APOL1: variants seen among roughly 807,000 people sequenced by gnomAD.
APOL1 encodes apolipoprotein L 1.
Under a neutral mutation model 14.9 loss-of-function variants are expected in APOL1, and 17 were observed. That is an observed-to-expected ratio of 1.14 (90% CI 0.78 to 1.71). The LOEUF (loss-of-function observed/expected upper bound fraction) is 1.71. Among genes scored for constraint, APOL1 ranks in the 40% most tolerant of loss-of-function variants. The pLI, the probability that APOL1 is intolerant of heterozygous loss-of-function variation, is 0.00. For synonymous variants in APOL1, 195 were observed against 184.8 expected, an observed-to-expected ratio of 1.05 and a Z score of -0.45; for missense variants, 523 against 485.9, an observed-to-expected ratio of 1.08 and a Z score of -0.72.
intron 2 of APOL1, among the ~76,000 whole-genome samples, chr22:36,256,690 C>T (rs563879273): frequency 2.6e-5 from 4 of 152,276 alleles, no homozygotes; most frequent in Non-Finnish European, 4.4e-5. Context: ...TTACCATGAG[C>T]GTGTATACAT....
At position 36,266,166 on chromosome 22, in the gene APOL1, C is replaced by T; in HGVS notation, c.*133C>T. ...AGTGCAATGGTGCGATCTCAGCTCA[C>T]TGCAAGCTCTGCCTCCCGTGTTCAA... On this transcript the variant is annotated 3_prime_UTR_variant, in exon 6 of 6. Coordinates refer to ENST00000397278, the MANE Select transcript of APOL1 (RefSeq NM_003661.4). The T allele has an allele frequency of 1.0e-6, 1 of 986,088 alleles. No homozygotes were observed. The highest frequency in any genetic ancestry group is 2.7e-5 in the East Asian group (1 of 37,174). The allele number at this position is 986,088 out of a possible 1,614,324, so 61.1% of individuals were successfully genotyped here.
At position 36,265,034 on chromosome 22, in the gene APOL1, A is replaced by G. The variant is rs949200325; in HGVS notation, c.315-117A>G. 1.1e-5 allele frequency: 15 copies of G among 1,311,690 alleles called. No homozygotes were observed. The East Asian group carries it at 1.4e-4, about 12-fold the overall frequency. 81.3% of individuals were successfully genotyped at this position (1,311,690 alleles called of 1,614,324 possible). A position where few individuals can be genotyped will look rare whatever the true frequency, so the allele number is the denominator to read the frequency against. ...CACCGTATTAGTCAGGATGGTCTCA[A>G]TCTCCTGACCTTGTGATCCACCCGC... On this transcript the variant is annotated intron_variant, in intron 5 of 5. Coordinates refer to ENST00000397278, the MANE Select transcript of APOL1 (RefSeq NM_003661.4).
At chr22:36,258,212 G>A (rs772910265) in intron 4 of APOL1, among the ~76,000 whole-genome samples, 7 of 152,110 alleles carry the variant, frequency 4.6e-5, no homozygotes, top group Non-Finnish European at 8.8e-5. Context: ...TGCTTACCAG[G>A]GATGACTGCC....
At chr22:36,259,294 C>A (rs2015998052) in intron 4 of APOL1, among the ~76,000 whole-genome samples, 2 of 152,190 alleles carry the variant, frequency 1.3e-5, no homozygotes, top group Admixed American at 1.3e-4. Context: ...TCAAGAAATA[C>A]ACAGATTTAG....
intron 4 of APOL1, among the ~76,000 whole-genome samples, chr22:36,258,920 C>T (rs988133738): frequency 1.3e-5 from 2 of 152,170 alleles, no homozygotes; most frequent in African/African-American, 4.8e-5. Context: ...TCTCACTGGT[C>T]TTAGCTGAAT....
intron 1 of APOL1, among the ~76,000 whole-genome samples, chr22:36,254,597 C>T (rs1360635285): frequency 6.6e-6 from 1 of 152,136 alleles, no homozygotes; most frequent in Non-Finnish European, 1.5e-5. Flanking sequence ...GGCGCGGTGG[C>T]TCACGCCTGT....
At chr22:36,258,780 A>G (rs2015976841) in intron 4 of APOL1, among the ~76,000 whole-genome samples, 1 of 152,156 alleles carries the variant, frequency 6.6e-6, no homozygotes, top group South Asian at 2.1e-4. Flanking sequence ...TGGGAGGGCA[A>G]TGCAGTTTTG....
intron 4 of APOL1, among the ~76,000 whole-genome samples, chr22:36,258,809 A>G (rs917564445): frequency 2.0e-5 from 3 of 152,168 alleles, no homozygotes; most frequent in African/African-American, 4.8e-5. Flanking sequence ...ATGGGCATAC[A>G]TGGAACGGCT....
At chr22:36,255,627 GC>G (rs2015848348) in intron 2 of APOL1, among the ~76,000 whole-genome samples, 1 of 150,546 alleles carries the variant, frequency 6.6e-6, no homozygotes, top group Admixed American at 6.6e-5. Context: ...AAAGAGGGAG[GC>G]GAGTGGCTTT....
At chr22:36,259,100 C>T (rs986983260) in intron 4 of APOL1, among the ~76,000 whole-genome samples, 1 of 152,128 alleles carries the variant, frequency 6.6e-6, no homozygotes, top group Non-Finnish European at 1.5e-5. Flanking sequence ...TGTCAGCTGG[C>T]TTTAAGTTTT....
At chr22:36,255,597 G>A (rs911957726) in intron 2 of APOL1, among the ~76,000 whole-genome samples, 1 of 150,268 alleles carries the variant, frequency 6.7e-6, no homozygotes. Context: ...TCTGAACCCT[G>A]AGACAAAGGC....
At chr22:36,256,417 G>A (rs914581138) in intron 2 of APOL1, among the ~76,000 whole-genome samples, 1 of 152,224 alleles carries the variant, frequency 6.6e-6, no homozygotes, top group Non-Finnish European at 1.5e-5. Context: ...GATGTTCTTT[G>A]TAGCATAATT....
intron 2 of APOL1, among the ~76,000 whole-genome samples, chr22:36,256,832 T>C (rs1156735292): frequency 2.0e-5 from 3 of 152,202 alleles, no homozygotes; most frequent in African/African-American, 7.2e-5. Flanking sequence ...CCTCTGTGTT[T>C]GAATGGGAAA....
rs1019723913 is a variant in APOL1 at position 36,265,982 on chromosome 22, A to G, written c.1146A>G (p.Leu382=). 2 of 1,613,044 alleles carry G rather than the reference A, an allele frequency of 1.2e-6. No homozygotes were observed. Among genetic ancestry groups the G allele is most frequent in the Admixed American group, 1.7e-5 (1 of 59,960 alleles). ...TGGCTCAGGAGCTGGAGGAGAAGCT[A>G]AACATTCTCAACAATAATTATAAGA... The part of the protein sequence containing the change: ...KKVAQELEEK[L]NILNNNYKIL... Residue 382 remains leucine (L), a synonymous_variant, in exon 6 of 6, where the codon CTA becomes CTG. Coordinates refer to ENST00000397278, the MANE Select transcript of APOL1 (RefSeq NM_003661.4).
At chr22:36,255,136 G>A (rs556444156) in intron 2 of APOL1, 137 bp downstream of exon 2, 75 of 1,089,592 alleles carry the variant, frequency 6.9e-5, no homozygotes, top group South Asian at 4.6e-4. Flanking sequence ...TTGACCAACC[G>A]GCAGACTCGC....
In APOL1 at chr22:36,258,649, C is replaced by T. The variant is rs184413160; in HGVS notation, c.187+1242C>T. Among the ~76,000 whole-genome samples, 35 of 152,198 alleles carry T rather than the reference C, an allele frequency of 2.3e-4. 1 individual carries two copies. In the East Asian group the frequency reaches 4.4e-3, roughly 19 times the overall value. ...GCAGGCTCAGGGGTGGGAGTGCAGG[C>T]GGACTCAGAAGAGCCAGTCGGGCCC... On this transcript the variant is annotated intron_variant, in intron 4 of 5. Coordinates refer to ENST00000397278, the MANE Select transcript of APOL1 (RefSeq NM_003661.4).
intron 4 of APOL1, among the ~76,000 whole-genome samples, chr22:36,261,064 C>A (rs1311796274): frequency 6.6e-6 from 1 of 152,218 alleles, no homozygotes; most frequent in East Asian, 1.9e-4. Context: ...GAAAAGGATT[C>A]ATTCCTCTCC....
chr22:36,255,217 C>T (rs897760792), intron 2 of APOL1, among the ~76,000 whole-genome samples: 12 of 152,226 alleles, frequency 7.9e-5, no homozygotes, highest in African/African-American at 2.9e-4. Context: ...AGCAGAGGCT[C>T]CAGGTCAGGG....
chr22:36,253,794 T>A (rs183379935), intron 1 of APOL1: 21 of 728,130 alleles, frequency 2.9e-5, no homozygotes, highest in Non-Finnish European at 2.1e-5. Context: ...AGGTAGATCA[T>A]AGGACTCCAC....
Sources: allele counts gnomAD v4.1 joint callset (sites outside exome capture counted in the v4.1 genomes callset), GRCh38; gene constraint gnomAD v4.1.1; transcripts MANE v1.5; gene names NCBI Gene and HGNC (gene_info 2026-07-23, HGNC 2026-07-21).